LRRC28: variants seen among roughly 807,000 people sequenced by gnomAD.
LRRC28 encodes the protein leucine rich repeat containing 28, also known as leucine-rich repeat-containing protein 28.
A neutral mutation model predicts 45.7 loss-of-function variants in LRRC28; 39 were observed. The ratio of observed to expected loss-of-function variants is 0.85; its 90% CI spans 0.66 to 1.12. LRRC28 has a LOEUF of 1.12. LRRC28 is among the 50% of genes most tolerant of loss of function. The pLI, the probability that LRRC28 is intolerant of heterozygous loss-of-function variation, is 0.00. For synonymous variants in LRRC28, 206 were observed against 178.8 expected, an observed-to-expected ratio of 1.15 and a Z score of -1.22; for missense variants, 435 against 438.5, an observed-to-expected ratio of 0.99 and a Z score of 0.07.
chr15:99,305,892 A>T (rs1955165089), intron 5 of LRRC28, among the ~76,000 whole-genome samples: 1 of 152,224 alleles, frequency 6.6e-6, no homozygotes, highest in African/African-American at 2.4e-5. Context: ...ATAACTTCGC[A>T]TTTCTCCTTC....
At chr15:99,263,696 G>C (rs530185184) in intron 2 of LRRC28, among the ~76,000 whole-genome samples, 67 of 152,294 alleles carry the variant, frequency 4.4e-4, no homozygotes, top group African/African-American at 1.4e-3. Flanking sequence ...TAGCAGCATT[G>C]TAGAATGTTT....
rs565593180 is a variant in LRRC28 at position 99,387,596 on chromosome 15, G to A, written c.*1494G>A. Reference sequence around the variant, plus strand: ...CCTGCCAGAAAGAACTCTTCATGAAGAAGTCACGTATTTGCTCTTCCTTTC... The same window carrying A: ...CCTGCCAGAAAGAACTCTTCATGAAAAAGTCACGTATTTGCTCTTCCTTTC... On this transcript the variant is annotated 3_prime_UTR_variant, in exon 10 of 10. Transcript: ENST00000301981. The A allele has an allele frequency of 6.6e-6, 1 of 152,296 alleles. No individual in the cohort carries two copies. Among genetic ancestry groups the A allele is most frequent in the South Asian group, 2.1e-4 (1 of 4,826 alleles). 9.4% of individuals were successfully genotyped at this position (152,296 alleles called of 1,614,324 possible). A position where few individuals can be genotyped will look rare whatever the true frequency, so the allele number is the denominator to read the frequency against.
At chr15:99,338,588 G>A (rs1201428903) in intron 6 of LRRC28, 1 of 152,222 alleles carries the variant, frequency 6.6e-6, no homozygotes. Context: ...AATGAATGCT[G>A]TGATATCGCT....
intron 5 of LRRC28, among the ~76,000 whole-genome samples, chr15:99,324,202 G>A (rs1019657465): frequency 1.3e-5 from 2 of 152,116 alleles, no homozygotes; most frequent in Non-Finnish European, 2.9e-5. Flanking sequence ...TAGACAGGGC[G>A]GGTACACTGG....
intron 7 of LRRC28, chr15:99,355,470 G>A (rs1597416424): frequency 6.6e-6 from 1 of 152,162 alleles, no homozygotes; most frequent in African/African-American, 2.4e-5. Context: ...AGGACCATTG[G>A]GGGCCCACTT....
In LRRC28 at chr15:99,387,113, T is replaced by A. The variant is rs564109274; in HGVS notation, c.*1011T>A. ...TCTCGCTCTGTCGCCCAGGCTGGAG[T>A]GCAGTGGCGGGATCTCGGCTCACTG... On this transcript the variant is annotated 3_prime_UTR_variant, in exon 10 of 10. Coordinates refer to ENST00000301981, the MANE Select transcript of LRRC28 (RefSeq NM_144598.5). The A allele has an allele frequency of 4.0e-5, 6 of 151,466 alleles. No individual in the cohort carries two copies. The South Asian group carries it at 8.4e-4, about 21-fold the overall frequency. The allele number at this position is 151,466 out of a possible 1,614,324, so 9.4% of individuals were successfully genotyped here. A position where few individuals can be genotyped will look rare whatever the true frequency, so the allele number is the denominator to read the frequency against.
chr15:99,349,315 T>TA (rs1303301966), intron 6 of LRRC28, among the ~76,000 whole-genome samples: 1 of 152,092 alleles, frequency 6.6e-6, no homozygotes, highest in Non-Finnish European at 1.5e-5. Flanking sequence ...TGTACTGGAG[T>TA]AAAAATGGAC....
chr15:99,269,805 A>G (rs2081426696), intron 2 of LRRC28, among the ~76,000 whole-genome samples: 1 of 152,234 alleles, frequency 6.6e-6, no homozygotes, highest in South Asian at 2.1e-4. Flanking sequence ...TGTCTGCCAT[A>G]TTGGACAACA....
intron 9 of LRRC28, among the ~76,000 whole-genome samples, chr15:99,383,323 A>G (rs1005875656): frequency 6.6e-6 from 1 of 152,196 alleles, no homozygotes; most frequent in African/African-American, 2.4e-5. Flanking sequence ...ACGTGCCAGC[A>G]CTGCGTTGTT....
chr15:99,257,593 C>G (rs1022209803), intron 2 of LRRC28: 1 of 608,274 alleles, frequency 1.6e-6, no homozygotes, highest in Non-Finnish European at 3.1e-6. Flanking sequence ...GTGGCTCTTG[C>G]GATCGAAAGG....
rs547953108 is a variant in LRRC28 at position 99,377,080 on chromosome 15, A to G, written c.1032-8950A>G. Among the ~76,000 whole-genome samples the G allele has an allele frequency of 4.6e-5, 7 of 152,242 alleles. No homozygotes were observed. The South Asian group carries it at 1.4e-3, about 32-fold the overall frequency. ...TACCCAGTAATGGGATTGCTGGGTC[A>G]AATGGTATTTCTAGTTCTAGATCCT... is the stretch of plus-strand genomic sequence containing the variant. On this transcript the variant is annotated intron_variant, in intron 9 of 9. Transcript: ENST00000301981.
chr15:99,281,480 T>C (rs547696761), intron 3 of LRRC28, among the ~76,000 whole-genome samples: 1 of 151,286 alleles, frequency 6.6e-6, no homozygotes, highest in African/African-American at 2.5e-5. Flanking sequence ...GTTCTTATAA[T>C]GTTCATATTT....
At chr15:99,312,595 TTGTTTATTATCAGTTATTA>T (rs1405344464) in intron 5 of LRRC28, among the ~76,000 whole-genome samples, 1 of 151,956 alleles carries the variant, frequency 6.6e-6, no homozygotes, top group Non-Finnish European at 1.5e-5. Flanking sequence ...AGTAACAGAG[TTGTTTATTATCAGTTATTA>T]TGTACAGTAT....
At chr15:99,347,787 A>G (rs1956742185) in intron 6 of LRRC28, among the ~76,000 whole-genome samples, 1 of 152,180 alleles carries the variant, frequency 6.6e-6, no homozygotes, top group Non-Finnish European at 1.5e-5. Context: ...TCCTTTAGAT[A>G]TATACCCAGG....
chr15:99,345,572 A>G (rs1466228483), intron 6 of LRRC28, among the ~76,000 whole-genome samples: 1 of 152,180 alleles, frequency 6.6e-6, no homozygotes, highest in Non-Finnish European at 1.5e-5. Context: ...GAAGTAGTGA[A>G]GAAATTTAAA....
At chr15:99,253,803 G>A (rs1597133877) in intron 1 of LRRC28, among the ~76,000 whole-genome samples, 4 of 152,210 alleles carry the variant, frequency 2.6e-5, no homozygotes, top group Admixed American at 2.6e-4. Flanking sequence ...ACTGTGGCTT[G>A]TGGTTTTGGC....
chr15:99,288,298 T>C (rs555056589), intron 5 of LRRC28, among the ~76,000 whole-genome samples: 1 of 152,074 alleles, frequency 6.6e-6, no homozygotes, highest in East Asian at 1.9e-4. Flanking sequence ...ATATAATCAT[T>C]TTACTATCCA....
At chr15:99,299,440 T>C (rs1318319340) in intron 5 of LRRC28, among the ~76,000 whole-genome samples, 1 of 152,228 alleles carries the variant, frequency 6.6e-6, no homozygotes, top group African/African-American at 2.4e-5. Flanking sequence ...ATTTCATATA[T>C]AGGTACACAT....
intron 9 of LRRC28, among the ~76,000 whole-genome samples, chr15:99,366,801 C>T (rs1254209669): frequency 6.6e-6 from 1 of 152,082 alleles, no homozygotes; most frequent in East Asian, 1.9e-4. Flanking sequence ...TTATGAGGTA[C>T]TAGAGGTTAG....
Sources: allele counts gnomAD v4.1 joint callset (sites outside exome capture counted in the v4.1 genomes callset), GRCh38; gene constraint gnomAD v4.1.1; transcripts MANE v1.5; gene names NCBI Gene and HGNC (gene_info 2026-07-23, HGNC 2026-07-21).